SEMA3E: variants seen among roughly 807,000 people sequenced by gnomAD.
SEMA3E encodes the protein semaphorin-3E.
SEMA3E carries 49 observed loss-of-function variants against 93.6 expected under a neutral mutation model. The observed-to-expected ratio is 0.52, with a 90% CI of 0.42 to 0.66. The LOEUF (loss-of-function observed/expected upper bound fraction) is 0.66. Among genes scored for constraint, SEMA3E ranks in the 30% least tolerant of loss-of-function variants. SEMA3E has a pLI of 0.00. For missense variants in SEMA3E, 906 were observed against 964.8 expected (o/e 0.94, Z 0.81); for synonymous variants, 363 against 330.7 (o/e 1.10, Z -1.06).
chr7:83,555,437 C>T (rs1364893832), intron 1 of SEMA3E, among the ~76,000 whole-genome samples: 1 of 152,134 alleles, frequency 6.6e-6, no homozygotes, highest in Non-Finnish European at 1.5e-5. Context: ...ATTTAATTGT[C>T]TCACCATAAA....
At chr7:83,582,365 C>T (rs1792533613) in intron 1 of SEMA3E, among the ~76,000 whole-genome samples, 1 of 151,684 alleles carries the variant, frequency 6.6e-6, no homozygotes, top group African/African-American at 2.4e-5. Context: ...AGCCCATACT[C>T]CTAATAAACA....
At chr7:83,600,878 C>T (rs1017823153) in intron 1 of SEMA3E, among the ~76,000 whole-genome samples, 1 of 152,104 alleles carries the variant, frequency 6.6e-6, no homozygotes, top group South Asian at 2.1e-4. Flanking sequence ...ATAATGGCAT[C>T]CTCAAAGATG....
chr7:83,557,072 T>C (rs1049604116), intron 1 of SEMA3E, among the ~76,000 whole-genome samples: 1 of 152,188 alleles, frequency 6.6e-6, no homozygotes, highest in Non-Finnish European at 1.5e-5. Context: ...TATAGCAGCA[T>C]AAACCAATTA....
intron 1 of SEMA3E, among the ~76,000 whole-genome samples, chr7:83,511,809 C>T (rs945941107): frequency 6.6e-6 from 1 of 152,012 alleles, no homozygotes. Flanking sequence ...GCACGAGAAT[C>T]GCTTGAACTC....
chr7:83,555,812 C>T (rs955453804), intron 1 of SEMA3E, among the ~76,000 whole-genome samples: 4 of 152,080 alleles, frequency 2.6e-5, no homozygotes, highest in Non-Finnish European at 5.9e-5. Context: ...AATTCATGCT[C>T]GGTAGCATGG....
intron 1 of SEMA3E, among the ~76,000 whole-genome samples, chr7:83,505,931 C>G (rs1203119193): frequency 6.8e-6 from 1 of 147,820 alleles, no homozygotes; most frequent in Non-Finnish European, 1.5e-5. Flanking sequence ...AGGAGAATGG[C>G]GTGAACCTGG....
At chr7:83,611,327 TA>T (rs1793255129) in intron 1 of SEMA3E, among the ~76,000 whole-genome samples, 1 of 144,308 alleles carries the variant, frequency 6.9e-6, no homozygotes, top group Admixed American at 7.1e-5. Context: ...GTATAATATA[TA>T]AATTTATATA....
At chr7:83,627,302 G>T (rs890170264) in intron 1 of SEMA3E, among the ~76,000 whole-genome samples, 4 of 152,110 alleles carry the variant, frequency 2.6e-5, no homozygotes, top group African/African-American at 9.7e-5. Flanking sequence ...TGACAGTGGG[G>T]TGTTAAAGTC....
Position 83,648,510 on chromosome 7 carries a change from G to A in SEMA3E, c.33C>T (p.Leu11=). ...AAAGCTCCAGTAAGTAACCCCACAG[G>A]AGCAAGGTGATAATGTGCCCCGCGG... MASAGHIITL[L]LWGYLLELWT... Residue 11 remains leucine, a synonymous_variant, in exon 1 of 17, where the codon CTC becomes CTT. Coordinates refer to ENST00000643230, the MANE Select transcript of SEMA3E (RefSeq NM_012431.3). The A allele has an allele frequency of 6.2e-7, 1 of 1,613,430 alleles. No homozygotes were observed. Among genetic ancestry groups the A allele is most frequent in the Middle Eastern group, 1.6e-4 (1 of 6,062 alleles).
At chr7:83,565,656 A>G (rs933950075) in intron 1 of SEMA3E, among the ~76,000 whole-genome samples, 4 of 152,220 alleles carry the variant, frequency 2.6e-5, no homozygotes, top group African/African-American at 7.2e-5. Flanking sequence ...TATTTAATAT[A>G]CAAACTTAAA....
At chr7:83,442,073 A>G (rs1270802906) in intron 4 of SEMA3E, among the ~76,000 whole-genome samples, 1 of 152,224 alleles carries the variant, frequency 6.6e-6, no homozygotes, top group African/African-American at 2.4e-5. Flanking sequence ...ATGTACATAC[A>G]TAAACCTGTA....
chr7:83,479,669 T>A (rs1250894705), intron 2 of SEMA3E, among the ~76,000 whole-genome samples: 1 of 152,164 alleles, frequency 6.6e-6, no homozygotes, highest in Non-Finnish European at 1.5e-5. Flanking sequence ...ACTATGGATA[T>A]CTGTTCTTAC....
intron 4 of SEMA3E, among the ~76,000 whole-genome samples, chr7:83,438,786 TAGG>T (rs1256453434): frequency 6.6e-6 from 1 of 152,026 alleles, no homozygotes; most frequent in African/African-American, 2.4e-5. Context: ...GTAAGATAAA[TAGG>T]AGAATGCTAG....
chr7:83,375,106 A>G (rs1794802821), intron 16 of SEMA3E, among the ~76,000 whole-genome samples: 1 of 152,142 alleles, frequency 6.6e-6, no homozygotes, highest in Non-Finnish European at 1.5e-5. Context: ...CTGAAGAGAA[A>G]TTAAGTTTAA....
intron 5 of SEMA3E, among the ~76,000 whole-genome samples, chr7:83,412,849 T>G (rs1238421237): frequency 6.6e-6 from 1 of 151,912 alleles, no homozygotes; most frequent in African/African-American, 2.4e-5. Context: ...AAAAGGCTAT[T>G]GGGAATTTAC....
At position 83,559,712 on chromosome 7, in the gene SEMA3E, C is replaced by T. The variant is rs186291745; in HGVS notation, c.116-69438G>A. Reference sequence around the variant, plus strand: ...CTTACCGTACAATCCAGCAATTGCACTCCTTGGTATTTACACAAAGGAACT... The same window carrying T: ...CTTACCGTACAATCCAGCAATTGCATTCCTTGGTATTTACACAAAGGAACT... On this transcript the variant is annotated intron_variant, in intron 1 of 16. Transcript: ENST00000643230. 1.5e-4 allele frequency among the ~76,000 whole-genome samples: 23 copies of T among 152,160 alleles called. No homozygotes were observed. The East Asian group carries it at 2.9e-3, about 19-fold the overall frequency.
At chr7:83,510,927 A>G (rs1790804727) in intron 1 of SEMA3E, among the ~76,000 whole-genome samples, 1 of 152,216 alleles carries the variant, frequency 6.6e-6, no homozygotes, top group African/African-American at 2.4e-5. Flanking sequence ...GTATAATATC[A>G]CACTTTTTTT....
At chr7:83,452,246 GAGGTGGGCAA>G (rs1404462877) in intron 4 of SEMA3E, among the ~76,000 whole-genome samples, 1 of 152,146 alleles carries the variant, frequency 6.6e-6, no homozygotes, top group Non-Finnish European at 1.5e-5. Flanking sequence ...TGCCATGGAA[GAGGTGGGCAA>G]AGATGGCTTT....
At chr7:83,591,219 A>G (rs1052249184) in intron 1 of SEMA3E, among the ~76,000 whole-genome samples, 1 of 151,636 alleles carries the variant, frequency 6.6e-6, no homozygotes, top group Admixed American at 6.6e-5. Context: ...ATATAAACAC[A>G]CTCTCAGAAT....
Sources: allele counts gnomAD v4.1 joint callset (sites outside exome capture counted in the v4.1 genomes callset), GRCh38; gene constraint gnomAD v4.1.1; transcripts MANE v1.5; gene names NCBI Gene and HGNC (gene_info 2026-07-23, HGNC 2026-07-21).